SPDYA: variants seen among roughly 807,000 people sequenced by gnomAD.
The protein encoded by SPDYA is speedy/RINGO cell cycle regulator family member A.
A neutral mutation model predicts 36.7 loss-of-function variants in SPDYA; 11 were observed. The observed-to-expected ratio is 0.30, with a 90% CI of 0.19 to 0.50. The LOEUF (loss-of-function observed/expected upper bound fraction) is 0.50. Ranked by LOEUF, SPDYA falls within the 20% of genes least tolerant of loss-of-function variation. SPDYA has a pLI of 0.98. For missense variants in SPDYA, 287 were observed against 370.9 expected (o/e 0.77, Z 1.86); for synonymous variants, 115 against 118.7 (o/e 0.97, Z 0.20).
chr2:28,824,187 A>C (rs1668254846), intron 5 of SPDYA, among the ~76,000 whole-genome samples: 1 of 152,112 alleles, frequency 6.6e-6, no homozygotes, highest in Non-Finnish European at 1.5e-5. Context: ...TATTAAAGAA[A>C]TAGGACTAGG....
In SPDYA at chr2:28,845,862, C is replaced by T. The variant is rs547655293; in HGVS notation, c.851-3988C>T. Among the ~76,000 whole-genome samples the T allele has an allele frequency of 5.3e-5, 8 of 152,172 alleles. No homozygotes were observed. The South Asian group carries it at 6.2e-4, about 12-fold the overall frequency. On this transcript the variant is annotated intron_variant, in intron 7 of 7. Coordinates refer to ENST00000334056, the MANE Select transcript of SPDYA (RefSeq NM_182756.4). ...GCCCGACCTGTCTGCTCATTTTCTA[C>T]GATTAATCACCTTATATATGTATTA... is the stretch of plus-strand genomic sequence containing the variant.
intron 3 of SPDYA, among the ~76,000 whole-genome samples, chr2:28,817,017 G>T (rs929380649): frequency 6.6e-6 from 1 of 152,006 alleles, no homozygotes. Flanking sequence ...AAGGTCAGGC[G>T]CATTAAAGCA....
chr2:28,839,562 C>T (rs1026386137), intron 6 of SPDYA, among the ~76,000 whole-genome samples: 11 of 152,120 alleles, frequency 7.2e-5, no homozygotes, highest in African/African-American at 1.9e-4. Context: ...AGTGCAGTGA[C>T]GCGATCTCGG....
intron 7 of SPDYA, among the ~76,000 whole-genome samples, chr2:28,846,028 T>C (rs1228849887): frequency 1.3e-5 from 2 of 152,158 alleles, no homozygotes; most frequent in Non-Finnish European, 2.9e-5. Context: ...AAGTTCAAAA[T>C]GAAAGCCTCC....
At chr2:28,831,751 A>G (rs979023296) in intron 6 of SPDYA, among the ~76,000 whole-genome samples, 13 of 152,202 alleles carry the variant, frequency 8.5e-5, no homozygotes, top group Admixed American at 6.5e-4. Context: ...TTACTGAGAA[A>G]AGAGAAGCAG....
intron 6 of SPDYA, among the ~76,000 whole-genome samples, chr2:28,829,804 C>T (rs1263466339): frequency 2.0e-5 from 3 of 151,750 alleles, no homozygotes; most frequent in Non-Finnish European, 4.4e-5. Context: ...ATTAGCCGGG[C>T]GTGGTGGCAG....
In SPDYA at chr2:28,849,044, C is replaced by CA. The variant is rs1193955228; in HGVS notation, c.851-795dup. Reference sequence around the variant, plus strand: ...TATGTGACAGAATGAGAATCTGTCTCAAAAAAAAAAACACACACACACAAC... The same window carrying CA: ...TATGTGACAGAATGAGAATCTGTCTCAAAAAAAAAAAACACACACACACAAC... On this transcript the variant is annotated intron_variant, in intron 7 of 7. Coordinates refer to ENST00000334056, the MANE Select transcript of SPDYA (RefSeq NM_182756.4). 6.6e-3 allele frequency among the ~76,000 whole-genome samples: 899 copies of CA among 136,928 alleles called. 6 individuals are homozygous for CA. The highest frequency in any genetic ancestry group is 0.02 in the African/African-American group (743 of 37,280). 89.8% of individuals were successfully genotyped at this position (136,928 alleles called of 152,430 possible). A position where few individuals can be genotyped will look rare whatever the true frequency, so the allele number is the denominator to read the frequency against.
At chr2:28,814,191 A>G (rs1667926459) in intron 1 of SPDYA, among the ~76,000 whole-genome samples, 1 of 152,220 alleles carries the variant, frequency 6.6e-6, no homozygotes, top group Non-Finnish European at 1.5e-5. Flanking sequence ...TTGAAACTGA[A>G]TAATTTAATT....
intron 3 of SPDYA, among the ~76,000 whole-genome samples, chr2:28,818,687 T>C (rs1668055859): frequency 6.6e-6 from 1 of 152,312 alleles, no homozygotes. Flanking sequence ...CCTTTTTATA[T>C]AGACATTTTC....
intron 5 of SPDYA, among the ~76,000 whole-genome samples, chr2:28,825,006 CATT>C (rs1668283336): frequency 6.6e-6 from 1 of 152,156 alleles, no homozygotes. Context: ...AGTATTAACT[CATT>C]TAATTTTCCC....
intron 7 of SPDYA, among the ~76,000 whole-genome samples, chr2:28,846,832 C>T (rs1668890127): frequency 6.6e-6 from 1 of 150,668 alleles, no homozygotes; most frequent in Admixed American, 6.6e-5. Context: ...AATTCAACAT[C>T]TACTGAGCAC....
intron 3 of SPDYA, among the ~76,000 whole-genome samples, chr2:28,816,830 A>G (rs919667453): frequency 9.9e-5 from 15 of 151,750 alleles, no homozygotes; most frequent in Non-Finnish European, 5.9e-5. Context: ...ACTTCTTTAT[A>G]GTACTGTACT....
chr2:28,822,602 C>T (rs890070705), intron 5 of SPDYA, among the ~76,000 whole-genome samples, 192 bp downstream of exon 5: 4 of 151,464 alleles, frequency 2.6e-5, no homozygotes, highest in African/African-American at 9.7e-5. Flanking sequence ...CTAAGATTTC[C>T]TTTTTTATTT....
chr2:28,823,401 T>C (rs1303377050), intron 5 of SPDYA, among the ~76,000 whole-genome samples: 7 of 151,852 alleles, frequency 4.6e-5, no homozygotes, highest in African/African-American at 1.7e-4. Context: ...GGCGGGTGGA[T>C]CATCTGAGGT....
intron 6 of SPDYA, among the ~76,000 whole-genome samples, chr2:28,831,285 AAG>A (rs1473441339): frequency 6.6e-6 from 1 of 152,132 alleles, no homozygotes; most frequent in Non-Finnish European, 1.5e-5. Context: ...CTGAGCCCAG[AAG>A]ATTCAGGCTG....
At chr2:28,835,970 C>T (rs1317279752) in intron 6 of SPDYA, among the ~76,000 whole-genome samples, 1 of 152,240 alleles carries the variant, frequency 6.6e-6, no homozygotes, top group Non-Finnish European at 1.5e-5. Context: ...CTGTTCTATA[C>T]ATTTGTTACT....
At chr2:28,837,285 T>C (rs1668626857) in intron 6 of SPDYA, among the ~76,000 whole-genome samples, 1 of 152,090 alleles carries the variant, frequency 6.6e-6, no homozygotes, top group Non-Finnish European at 1.5e-5. Context: ...TGGTAACCAG[T>C]TGGATATAGG....
intron 7 of SPDYA, chr2:28,842,341 C>G (rs1194190251): frequency 1.3e-5 from 2 of 152,210 alleles, no homozygotes. Context: ...GAAAGCAAAA[C>G]AGAAGCAGTT....
intron 6 of SPDYA, among the ~76,000 whole-genome samples, chr2:28,835,845 C>A (rs1668584675): frequency 6.6e-6 from 1 of 152,162 alleles, no homozygotes; most frequent in Admixed American, 6.5e-5. Flanking sequence ...GTTCACTGGA[C>A]AACTACTTTA....
Sources: gnomAD v4.1 joint callset for allele counts (sites outside exome capture counted in the v4.1 genomes callset) on GRCh38, gnomAD v4.1.1 for gene constraint, MANE v1.5 for transcripts, NCBI Gene and HGNC (gene_info 2026-07-23, HGNC 2026-07-21) for gene names.